The following WDFY4 variants were observed in gnomAD, a reference collection of about 807,000 sequenced individuals.
WDFY4 encodes WDFY family member 4, also known as WD repeat- and FYVE domain-containing protein 4.
In WDFY4, 169 loss-of-function variants were observed where a neutral mutation model predicts 351.9. That is an observed-to-expected ratio of 0.48 (90% CI 0.42 to 0.55). The LOEUF (loss-of-function observed/expected upper bound fraction) is 0.55. Ranked by LOEUF, WDFY4 falls within the 20% of genes least tolerant of loss-of-function variation. WDFY4 has a pLI of 0.00. For missense variants in WDFY4, 3,803 were observed against 3,935.6 expected (o/e 0.97, Z 0.90); for synonymous variants, 1,622 against 1,574.6 (o/e 1.03, Z -0.71).
Position 48,943,294 on chromosome 10 carries a change from G to A in WDFY4, c.7630-36G>A, listed in dbSNP as rs578024301. On this transcript the variant is annotated intron_variant, in intron 48 of 61. Coordinates refer to ENST00000325239, the MANE Select transcript of WDFY4 (RefSeq NM_001394531.1). Reference sequence around the variant, plus strand: ...CCATGGCTTTGCAGGAGCATCAAACGTATTTGGTTTATCCCCTTTCTGTCT... The same window carrying A: ...CCATGGCTTTGCAGGAGCATCAAACATATTTGGTTTATCCCCTTTCTGTCT... 61 of 1,549,374 alleles carry A rather than the reference G, an allele frequency of 3.9e-5. 1 individual carries two copies. The highest frequency in any genetic ancestry group is 1.3e-4 in the South Asian group (11 of 83,880).
chr10:48,812,798 C>G (rs996431390), intron 30 of WDFY4, among the ~76,000 whole-genome samples: 11 of 152,180 alleles, frequency 7.2e-5, no homozygotes, highest in Admixed American at 1.3e-4. Context: ...ATGTATCTTT[C>G]CAACCCAGCT....
intron 1 of WDFY4, among the ~76,000 whole-genome samples, chr10:48,698,103 G>C (rs1332016070): frequency 6.6e-6 from 1 of 152,158 alleles, no homozygotes; most frequent in African/African-American, 2.4e-5. Flanking sequence ...TTCTCGACAG[G>C]CCATCTCTTG....
chr10:48,946,866 T>C lies in WDFY4; in HGVS notation c.7874T>C (p.Met2625Thr), dbSNP rs1841068791. 6.4e-7 allele frequency: 1 copy of C among 1,551,886 alleles called. No homozygotes were observed. The highest frequency in any genetic ancestry group is 8.7e-7 in the Non-Finnish European group (1 of 1,146,976). ...GCATGTGTTTTTGTTGCAGGAGACA[T>C]GACTGTCCAGTGCCACTACTACACC... Reference protein sequence around the residue: ...FKEVEKTEGDMTVQCHYYTHY... With the variant: ...FKEVEKTEGDTTVQCHYYTHY... Residue 2625 changes from methionine to threonine, a missense_variant, in exon 51 of 62, where the codon ATG becomes ACG. By Grantham distance (81) the Met-to-Thr change is moderately conservative (BLOSUM62 -1). This residue lies in a region of WDFY4 where 3,054 missense variants were observed against 3,148.6 expected (regional missense o/e 0.97). Transcript: ENST00000325239.
At chr10:48,832,951 G>A (rs902654279) in intron 39 of WDFY4, among the ~76,000 whole-genome samples, 2 of 152,214 alleles carry the variant, frequency 1.3e-5, no homozygotes, top group African/African-American at 4.8e-5. Context: ...CCACTCAGCA[G>A]CAGCTAGGGG....
At chr10:48,976,618 A>G in intron 58 of WDFY4, 179 bp from the exon 59 acceptor site, 1 of 444,358 alleles carries the variant, frequency 2.3e-6, no homozygotes, top group East Asian at 3.6e-5. Flanking sequence ...AAGAATTTAC[A>G]ACTGTGTGAA....
At chr10:48,917,184 A>C (rs951407701) in intron 47 of WDFY4, among the ~76,000 whole-genome samples, 5 of 152,212 alleles carry the variant, frequency 3.3e-5, no homozygotes, top group Admixed American at 3.3e-4. Context: ...TTTGATGTTC[A>C]CATAATGATG....
chr10:48,899,348 A>G (rs1031944980), intron 45 of WDFY4, among the ~76,000 whole-genome samples: 1 of 152,222 alleles, frequency 6.6e-6, no homozygotes, highest in Non-Finnish European at 1.5e-5. Context: ...GGTATGCAAC[A>G]TCCTTGCAGA....
intron 47 of WDFY4, among the ~76,000 whole-genome samples, chr10:48,938,719 G>T (rs1840563385): frequency 6.6e-6 from 1 of 152,202 alleles, no homozygotes; most frequent in Non-Finnish European, 1.5e-5. Flanking sequence ...CTCGTCTGGG[G>T]GGGTAAAGGA....
intron 47 of WDFY4, among the ~76,000 whole-genome samples, chr10:48,938,572 G>A (rs972121924): frequency 2.6e-5 from 4 of 152,226 alleles, no homozygotes; most frequent in Non-Finnish European, 5.9e-5. Context: ...TAGGGTGGAG[G>A]TGCTGTTTGG....
In WDFY4 at chr10:48,729,464, C is replaced by A. The variant is rs777018622; in HGVS notation, c.1004C>A (p.Pro335Gln). The A allele has an allele frequency of 6.4e-7, 1 of 1,551,346 alleles. No individual in the cohort carries two copies. The highest frequency in any genetic ancestry group is 8.7e-7 in the Non-Finnish European group (1 of 1,147,002). ...GGGCTGACCCAGAGCGAAGTGGACCCGCATCTGGAGGAGCTCCTTGGGCTG... is the reference window on the plus strand; with the variant it reads ...GGGCTGACCCAGAGCGAAGTGGACCAGCATCTGGAGGAGCTCCTTGGGCTG... Reference protein sequence around the residue: ...YDGLTQSEVDPHLEELLGLVV... With the variant: ...YDGLTQSEVDQHLEELLGLVV... The change falls in exon 8 of 62, where the codon CCG (proline) becomes CAG (glutamine). Residue 335 changes from proline to glutamine, a missense_variant. Around this residue, in one of 3 missense-constraint regions of WDFY4, gnomAD observed 488 missense variants for 456.8 expected, o/e 1.07. Transcript: ENST00000325239.
intron 47 of WDFY4, among the ~76,000 whole-genome samples, chr10:48,906,995 T>C (rs1267330122): frequency 6.6e-6 from 1 of 152,210 alleles, no homozygotes; most frequent in Non-Finnish European, 1.5e-5. Context: ...TCAAATTTGG[T>C]TCTTCTCTAA....
At chr10:48,856,732 T>C (rs944952745) in intron 39 of WDFY4, among the ~76,000 whole-genome samples, 2 of 152,202 alleles carry the variant, frequency 1.3e-5, no homozygotes, top group Non-Finnish European at 2.9e-5. Context: ...CCATACATTA[T>C]TTTGTAACAT....
At chr10:48,939,518 A>G (rs1840635902) in intron 47 of WDFY4, among the ~76,000 whole-genome samples, 1 of 152,196 alleles carries the variant, frequency 6.6e-6, no homozygotes, top group Non-Finnish European at 1.5e-5. Context: ...CCTCCCACGG[A>G]TCTCAGGAGC....
At chr10:48,687,832 A>G (rs2063093896) in intron 1 of WDFY4, among the ~76,000 whole-genome samples, 1 of 145,746 alleles carries the variant, frequency 6.9e-6, no homozygotes, top group Non-Finnish European at 1.5e-5. Flanking sequence ...CCCAGGCTGG[A>G]GTGCGGTGGT....
rs1397252438 is a variant in WDFY4 at position 48,777,506 on chromosome 10, T to C, written c.3175+11T>C. On this transcript the variant is annotated intron_variant, in intron 17 of 61. Coordinates refer to ENST00000325239, the MANE Select transcript of WDFY4 (RefSeq NM_001394531.1). ...GAGGAATTGGGACAGGTAGGTGTTT[T>C]TCCCAGATGGTTTAGCTCTCCATCC... 4 of 1,551,402 alleles carry C rather than the reference T, an allele frequency of 2.6e-6. No homozygotes were observed. Among genetic ancestry groups the C allele is most frequent in the East Asian group, 2.4e-5 (1 of 40,918 alleles).
chr10:48,794,602 G>C (rs1230015411), intron 23 of WDFY4, among the ~76,000 whole-genome samples: 1 of 152,090 alleles, frequency 6.6e-6, no homozygotes, highest in East Asian at 1.9e-4. Flanking sequence ...ACAAAGAGGA[G>C]CTAACCACAT....
intron 13 of WDFY4, among the ~76,000 whole-genome samples, chr10:48,766,785 T>C (rs1038649175): frequency 6.6e-6 from 1 of 152,198 alleles, no homozygotes; most frequent in Non-Finnish European, 1.5e-5. Flanking sequence ...GGCTACCTTG[T>C]TTCTCTGTAT....
chr10:48,893,386 G>C (rs1223928573), intron 44 of WDFY4, among the ~76,000 whole-genome samples: 1 of 152,258 alleles, frequency 6.6e-6, no homozygotes, highest in Middle Eastern at 3.4e-3. Flanking sequence ...CTCTTTTGGG[G>C]GACACGGTTC....
intron 30 of WDFY4, 68 bp downstream of exon 30, chr10:48,811,776 G>T (rs1326439562): frequency 6.8e-7 from 1 of 1,478,792 alleles, no homozygotes; most frequent in East Asian, 2.5e-5. Flanking sequence ...AAGGCAGGTC[G>T]CCAAGACCCT....
Sources: allele counts gnomAD v4.1 joint callset (sites outside exome capture counted in the v4.1 genomes callset), GRCh38; gene constraint gnomAD v4.1.1; regional missense constraint gnomAD v4.1.1; transcripts MANE v1.5; gene names NCBI Gene and HGNC (gene_info 2026-07-23, HGNC 2026-07-21).